Variants in CDH12 observed in about 807,000 individuals in gnomAD.
CDH12 encodes cadherin 12.
A neutral mutation model predicts 74.1 loss-of-function variants in CDH12; 41 were observed. The observed-to-expected ratio is 0.55, with a 90% CI of 0.43 to 0.72. The LOEUF (loss-of-function observed/expected upper bound fraction) is 0.72. Ranked by LOEUF, CDH12 falls within the 30% of genes least tolerant of loss-of-function variation. CDH12 has a pLI of 0.00. For missense variants in CDH12, 945 were observed against 977.2 expected (o/e 0.97, Z 0.44); for synonymous variants, 399 against 355.0 (o/e 1.12, Z -1.39).
chr5:22,442,326 CAG>C (rs1744659679), intron 2 of CDH12, among the ~76,000 whole-genome samples: 2 of 151,962 alleles, frequency 1.3e-5, no homozygotes, highest in South Asian at 4.1e-4. Context: ...TACTAAGTGG[CAG>C]AGTCAATAGC....
chr5:22,098,232 G>A (rs540298398), intron 4 of CDH12, among the ~76,000 whole-genome samples: 3 of 152,254 alleles, frequency 2.0e-5, no homozygotes, highest in South Asian at 4.1e-4. Flanking sequence ...CATTACTTCA[G>A]TCAAGCCCAA....
intron 3 of CDH12, among the ~76,000 whole-genome samples, chr5:22,386,279 C>A (rs934892543): frequency 6.6e-6 from 1 of 152,188 alleles, no homozygotes; most frequent in Admixed American, 6.5e-5. Flanking sequence ...ATCCAGTCAT[C>A]TCCCACTAGG....
At chr5:22,147,779 A>G (rs552961393) in intron 4 of CDH12, among the ~76,000 whole-genome samples, 1 of 152,238 alleles carries the variant, frequency 6.6e-6, no homozygotes, top group East Asian at 1.9e-4. Flanking sequence ...CAAGAACAGT[A>G]TGGGGAAAAC....
intron 1 of CDH12, among the ~76,000 whole-genome samples, chr5:22,810,721 TAAAAC>T (rs1749093405): frequency 6.6e-6 from 1 of 151,830 alleles, no homozygotes; most frequent in Admixed American, 6.6e-5. Context: ...TGTCAAAAAA[TAAAAC>T]AAAATTAACC....
intron 1 of CDH12, among the ~76,000 whole-genome samples, chr5:22,831,725 T>C (rs1045909386): frequency 1.3e-5 from 2 of 151,656 alleles, no homozygotes; most frequent in African/African-American, 4.8e-5. Flanking sequence ...TGAAACCCCG[T>C]CTCGACTAAA....
intron 9 of CDH12, among the ~76,000 whole-genome samples, 163 bp from the exon 10 acceptor site, chr5:21,802,583 A>ATT (rs1488305945): frequency 2.1e-5 from 2 of 97,016 alleles, no homozygotes; most frequent in Non-Finnish European, 2.3e-5. Context: ...AAGGCAAACC[A>ATT]TTTTTTTTTC....
intron 5 of CDH12, among the ~76,000 whole-genome samples, chr5:22,047,730 A>G (rs752121181): frequency 2.5e-4 from 38 of 152,288 alleles, no homozygotes; most frequent in Middle Eastern, 3.4e-3. Context: ...TCCAAAGTCC[A>G]CTTAATACAT....
intron 6 of CDH12, among the ~76,000 whole-genome samples, chr5:21,880,047 A>G (rs377562364): frequency 3.9e-5 from 6 of 152,312 alleles, no homozygotes; most frequent in Non-Finnish European, 1.5e-5. Context: ...GCTGGCCCCA[A>G]AAGTCCACCT....
At chr5:22,506,786 ATATC>A (rs1453093496) in intron 1 of CDH12, among the ~76,000 whole-genome samples, 1 of 152,120 alleles carries the variant, frequency 6.6e-6, no homozygotes, top group African/African-American at 2.4e-5. Context: ...AATTGTCTCT[ATATC>A]TATCAATCTG....
chr5:22,793,753 GT>G (rs11343348), intron 1 of CDH12, among the ~76,000 whole-genome samples: 3,735 of 138,406 alleles, frequency 0.027, 148 homozygotes, highest in African/African-American at 0.092. Flanking sequence ...CTCTTTAACT[GT>G]TTTTTTTTTT....
At chr5:22,424,560 C>T (rs1019513831) in intron 2 of CDH12, among the ~76,000 whole-genome samples, 1 of 152,124 alleles carries the variant, frequency 6.6e-6, no homozygotes, top group African/African-American at 2.4e-5. Flanking sequence ...ATCATGAATT[C>T]CATAAATATT....
chr5:22,842,555 A>G (rs138018507), intron 1 of CDH12, among the ~76,000 whole-genome samples: 1 of 152,272 alleles, frequency 6.6e-6, no homozygotes, highest in Non-Finnish European at 1.5e-5. Context: ...CCAAAGATTT[A>G]TTGGTGTTGT....
intron 6 of CDH12, among the ~76,000 whole-genome samples, chr5:21,897,223 T>C (rs995997948): frequency 1.7e-4 from 26 of 152,210 alleles, no homozygotes; most frequent in Non-Finnish European, 4.4e-5. Context: ...TTTACAAATC[T>C]GGTTGACAGA....
rs184161325 is a variant in CDH12 at position 22,109,511 on chromosome 5, A to G, written c.-186-30649T>C. Among the ~76,000 whole-genome samples, 8 of 152,258 alleles carry G rather than the reference A, an allele frequency of 5.3e-5. No individual in the cohort carries two copies. In the East Asian group the frequency reaches 1.5e-3, roughly 29 times the overall value. On this transcript the variant is annotated intron_variant, in intron 4 of 14. Coordinates refer to ENST00000382254, the MANE Select transcript of CDH12 (RefSeq NM_004061.5). ...TTTACTGCTGTCACTATGAGTAATGAAGTACATTGCCTCTGACCTGTCAGT... is the reference window on the plus strand; with the variant it reads ...TTTACTGCTGTCACTATGAGTAATGGAGTACATTGCCTCTGACCTGTCAGT...
In CDH12 at chr5:21,842,232, C is replaced by A; in HGVS notation, c.743G>T (p.Gly248Val). 2 of 1,613,562 alleles carry A rather than the reference C, an allele frequency of 1.2e-6. No homozygotes were observed. The highest frequency in any genetic ancestry group is 3.3e-5 in the Admixed American group (2 of 59,944). ...GTTGACTATTGTTGTTCCGGCTAATCCTCCAAGCTGTCCTCCCATATCCTT... is the reference window on the plus strand; with the variant it reads ...GTTGACTATTGTTGTTCCGGCTAATACTCCAAGCTGTCCTCCCATATCCTT... ...QAKDMGGQLG[G>V]LAGTTIVNIT... Residue 248 changes from glycine (G) to valine (V), a missense_variant, in exon 8 of 15, where the codon GGA (glycine) becomes GTA (valine). Around this residue, in one of 3 missense-constraint regions of CDH12, gnomAD observed 791 missense variants for 792.8 expected, o/e 1.00. Transcript: ENST00000382254.
chr5:21,921,074 C>T (rs2150071897), intron 6 of CDH12, among the ~76,000 whole-genome samples: 1 of 152,258 alleles, frequency 6.6e-6, no homozygotes, highest in South Asian at 2.1e-4. Context: ...TGTCATCTCT[C>T]TTCTGTCTCT....
intron 5 of CDH12, among the ~76,000 whole-genome samples, chr5:22,058,039 A>ATCTATCTATCTG (rs1449575666): frequency 4.6e-4 from 67 of 146,074 alleles, no homozygotes; most frequent in African/African-American, 1.6e-3. Context: ...CTATCTATCT[A>ATCTATCTATCTG]TCTATCATCT....
chr5:22,193,474 G>T (rs1750422045), intron 4 of CDH12, among the ~76,000 whole-genome samples: 1 of 152,208 alleles, frequency 6.6e-6, no homozygotes, highest in Non-Finnish European at 1.5e-5. Flanking sequence ...GCATTGAGGA[G>T]TACAGGTGAA....
rs1742516925 is a variant in CDH12 at position 22,078,824 on chromosome 5, G to T, written c.-148C>A. 8 of 1,430,318 alleles carry T rather than the reference G, an allele frequency of 5.6e-6. No individual in the cohort carries two copies. Among genetic ancestry groups the T allele is most frequent in the South Asian group, 1.5e-5 (1 of 65,414 alleles). The allele number at this position is 1,430,318 out of a possible 1,614,324, so 88.6% of individuals were successfully genotyped here. A position where few individuals can be genotyped will look rare whatever the true frequency, so the allele number is the denominator to read the frequency against. Reference sequence around the variant, plus strand: ...TGATGCAGGCATTAATCCTTTTGATGAAAAGGCTTCTGCTGTATTATATTC... The same window carrying T: ...TGATGCAGGCATTAATCCTTTTGATTAAAAGGCTTCTGCTGTATTATATTC... On this transcript the variant is annotated 5_prime_UTR_variant, in exon 5 of 15. An upstream open reading frame in the 5' UTR gains an earlier in-frame stop. Coordinates refer to ENST00000382254, the MANE Select transcript of CDH12 (RefSeq NM_004061.5).
Sources: gnomAD v4.1 joint callset for allele counts (sites outside exome capture counted in the v4.1 genomes callset) on GRCh38, gnomAD v4.1.1 for gene constraint, gnomAD v4.1.1 regional missense constraint, MANE v1.5 for transcripts, NCBI Gene and HGNC (gene_info 2026-07-23, HGNC 2026-07-21) for gene names.